The following MFNG variants were observed in gnomAD, a reference collection of about 807,000 sequenced individuals.
The protein encoded by MFNG is beta-1,3-N-acetylglucosaminyltransferase manic fringe.
Under a neutral mutation model 34.2 loss-of-function variants are expected in MFNG, and 24 were observed. The observed-to-expected ratio is 0.70, with a 90% confidence interval of 0.51 to 0.99. The LOEUF is 0.99. MFNG is among the 50% of genes least tolerant of loss of function. The probability of loss-of-function intolerance (pLI) is 0.00; values close to 1 mark genes in which losing one functional copy is unlikely to be tolerated. For synonymous variants in MFNG, 158 were observed against 179.2 expected (o/e 0.88, Z 0.94); for missense variants, 383 against 424.0 (o/e 0.90, Z 0.85).
At chr22:37,474,406 T>A in intron 6 of MFNG, 106 bp downstream of exon 6, 1 of 1,329,354 alleles carries the variant, frequency 7.5e-7, no homozygotes, top group Non-Finnish European at 1.0e-6. Context: ...AGACCCATAA[T>A]CTGGAGTTCC....
Position 37,485,323 on chromosome 22 carries a change from G to A in MFNG, c.255+600C>T, listed in dbSNP as rs1922494163. On this transcript the variant is annotated intron_variant, in intron 1 of 7. Transcript: ENST00000356998. The surrounding 1 kb of genome is among the most constrained non-coding windows in gnomAD (Gnocchi z 5.3). ...AGCAGTCCGCAGGAAGCCAACACAG[G>A]AGGCCAGACATGGCGGCCTCGGCAC... 6.6e-6 allele frequency among the ~76,000 whole-genome samples: 1 copy of A among 152,164 alleles called. No individual in the cohort carries two copies. Among genetic ancestry groups the A allele is most frequent in the Non-Finnish European group, 1.5e-5 (1 of 68,034 alleles).
Position 37,486,089 on chromosome 22 carries a change from AGGTTCAAGT to A in MFNG, c.80_88del (p.His27_Asn29del). The A allele has an allele frequency of 1.2e-6, 2 of 1,613,558 alleles. No homozygotes were observed. The highest frequency in any genetic ancestry group is 1.7e-6 in the Non-Finnish European group (2 of 1,179,794). ...GGTCCCTTGTACCCGCTGCGGGGAC[AGGTTCAAGT>A]GGTACCGCAGACACAGGAGCCCCAT... On this transcript the variant is annotated inframe_deletion, in exon 1 of 8. Coordinates refer to ENST00000356998, the MANE Select transcript of MFNG (RefSeq NM_002405.4).
intron 7 of MFNG, among the ~76,000 whole-genome samples, chr22:37,470,399 G>A (rs1921754927): frequency 6.6e-6 from 1 of 152,192 alleles, no homozygotes; most frequent in Non-Finnish European, 1.5e-5. Context: ...CCAATCATCT[G>A]ATCACATGCA....
At chr22:37,477,142 T>C (rs1010471240) in intron 4 of MFNG, among the ~76,000 whole-genome samples, 161 bp from the exon 5 acceptor site, 1 of 152,232 alleles carries the variant, frequency 6.6e-6, no homozygotes, top group African/African-American at 2.4e-5. Flanking sequence ...GCACCCATTC[T>C]ATAGATAAGA....
chr22:37,476,113 T>A (rs994717194), intron 5 of MFNG, among the ~76,000 whole-genome samples: 1 of 152,068 alleles, frequency 6.6e-6, no homozygotes, highest in African/African-American at 2.4e-5. Context: ...GGTGTTGTGA[T>A]CCTCTTGATG....
chr22:37,478,399 T>C (rs915912923), intron 4 of MFNG, among the ~76,000 whole-genome samples: 1 of 152,210 alleles, frequency 6.6e-6, no homozygotes, highest in Admixed American at 6.5e-5. Flanking sequence ...GACATACTTA[T>C]ACTAAAAATT....
At chr22:37,478,162 A>G (rs918366487) in intron 4 of MFNG, among the ~76,000 whole-genome samples, 4 of 152,174 alleles carry the variant, frequency 2.6e-5, no homozygotes, top group Non-Finnish European at 5.9e-5. Context: ...CTGATAATTA[A>G]GGCTCTGTGT....
At position 37,474,606 on chromosome 22, in the gene MFNG, T is replaced by C; in HGVS notation, c.719A>G (p.Glu240Gly). The C allele has an allele frequency of 6.2e-7, 1 of 1,614,016 alleles. No individual in the cohort carries two copies. Residue 240 changes from glutamate to glycine, a missense_variant, in exon 6 of 8, where the codon GAG becomes GGG. Physicochemically the swap from Glu to Gly is moderately conservative, Grantham distance 98. Transcript: ENST00000356998. Reference sequence around the variant, plus strand: ...CTGCAGGCGGCCGCCCAGCTTGCACTCAATGATATAGCCCATGGTGCAGTC... The same window carrying C: ...CTGCAGGCGGCCGCCCAGCTTGCACCCAATGATATAGCCCATGGTGCAGTC... ...PDDCTMGYII[E>G]CKLGGRLQPS...
Position 37,485,587 on chromosome 22 carries a change from G to A in MFNG, c.255+336C>T, listed in dbSNP as rs986799617. On this transcript the variant is annotated intron_variant, in intron 1 of 7. Transcript: ENST00000356998. The surrounding 1 kb of genome is among the most constrained non-coding windows in gnomAD (Gnocchi z 5.3). Reference sequence around the variant, plus strand: ...TACCCCTGATGCCAGGCTGGGCCTGGGTGGCTAGGAGCGAAGCCCCCACGG... The same window carrying A: ...TACCCCTGATGCCAGGCTGGGCCTGAGTGGCTAGGAGCGAAGCCCCCACGG... Among the ~76,000 whole-genome samples, 4 of 152,168 alleles carry A rather than the reference G, an allele frequency of 2.6e-5. No homozygotes were observed. The highest frequency in any genetic ancestry group is 9.7e-5 in the African/African-American group (4 of 41,438).
intron 7 of MFNG, among the ~76,000 whole-genome samples, chr22:37,471,211 C>T (rs1601792593): frequency 6.6e-6 from 1 of 152,346 alleles, no homozygotes; most frequent in South Asian, 2.1e-4. Context: ...TACTCGTTAC[C>T]TCCCTGAGTC....
intron 1 of MFNG, chr22:37,484,379 G>GGC: frequency 1.3e-5 from 2 of 152,550 alleles, no homozygotes; most frequent in East Asian, 1.9e-4. Flanking sequence ...AGGTCACAGA[G>GGC]AGAAGTGAGC....
rs1480145101 is a variant in MFNG at position 37,480,189 on chromosome 22, A to G, written c.407+8T>C. ...CACACTTATCCCCAGAGACCCAGGA[A>G]CACTCGCCTAAGCCCACTGGCCAAG... On this transcript the variant is annotated splice_region_variant and intron_variant, in intron 3 of 7. Transcript: ENST00000356998. The G allele has an allele frequency of 6.3e-7, 1 of 1,598,448 alleles. No homozygotes were observed. The highest frequency in any genetic ancestry group is 8.6e-7 in the Non-Finnish European group (1 of 1,167,314).
At position 37,486,248 on chromosome 22, in the gene MFNG, G is replaced by C; in HGVS notation, c.-71C>G. ...CAGACAGGGAGGGGAAGCTGGTCAG[G>C]CAGGGGCTCCAGCAGAGGCAAAAGT... On this transcript the variant is annotated 5_prime_UTR_variant, in exon 1 of 8. Transcript: ENST00000356998. The C allele has an allele frequency of 7.0e-7, 1 of 1,432,640 alleles. No homozygotes were observed. Among genetic ancestry groups the C allele is most frequent in the South Asian group, 1.4e-5 (1 of 69,098 alleles). 88.7% of individuals were successfully genotyped at this position (1,432,640 alleles called of 1,614,324 possible).
intron 5 of MFNG, 141 bp from the exon 6 acceptor site, chr22:37,474,818 G>T: frequency 1.1e-6 from 1 of 884,002 alleles, no homozygotes; most frequent in Non-Finnish European, 1.7e-6. Flanking sequence ...CCTTGAGCAA[G>T]TCAGGAACCT....
chr22:37,474,536 C>G lies in MFNG; in HGVS notation c.789G>C (p.Leu263=), dbSNP rs778219875. ...FHSHLETLQL[L]RTAQLPEQVT... Reference sequence around the variant, plus strand: ...CCTGTTCTGGGAGCTGTGCAGTCCTCAGCAGCTGCAGGGTCTCCAGGTGGG... The same window carrying G: ...CCTGTTCTGGGAGCTGTGCAGTCCTGAGCAGCTGCAGGGTCTCCAGGTGGG... The change falls in exon 6 of 8, where the codon CTG becomes CTC. Residue 263 remains leucine (L), a synonymous_variant. Transcript: ENST00000356998. The G allele has an allele frequency of 3.7e-5, 60 of 1,613,946 alleles. No individual in the cohort carries two copies. Among genetic ancestry groups the G allele is most frequent in the Non-Finnish European group, 4.8e-5 (57 of 1,179,966 alleles).
chr22:37,476,854 C>A (rs368994541), intron 5 of MFNG, 42 bp downstream of exon 5: 10 of 1,502,804 alleles, frequency 6.7e-6, no homozygotes, highest in African/African-American at 1.4e-5. Flanking sequence ...CCAGCTGCCA[C>A]CCCCTCCCCG....
chr22:37,475,426 G>A (rs1192916740), intron 5 of MFNG, among the ~76,000 whole-genome samples: 3 of 152,090 alleles, frequency 2.0e-5, no homozygotes, highest in African/African-American at 4.8e-5. Flanking sequence ...GTTTCACCAC[G>A]TTGGCCAGGC....
At position 37,483,372 on chromosome 22, in the gene MFNG, A is replaced by G. The variant is rs1450267982; in HGVS notation, c.255+2551T>C. Among the ~76,000 whole-genome samples the G allele has an allele frequency of 1.3e-5, 2 of 151,938 alleles. No individual in the cohort carries two copies. The highest frequency in any genetic ancestry group is 4.8e-5 in the African/African-American group (2 of 41,332). On this transcript the variant is annotated intron_variant, in intron 1 of 7. Coordinates refer to ENST00000356998, the MANE Select transcript of MFNG (RefSeq NM_002405.4). This position sits in a 1 kb window ranked among gnomAD's most constrained non-coding sequence, Gnocchi z 4.5. Reference sequence around the variant, plus strand: ...TTTCAACACAGCCTCAAGGGATCCTATCAAAGAAACCAGGCCTTTCCTACC... The same window carrying G: ...TTTCAACACAGCCTCAAGGGATCCTGTCAAAGAAACCAGGCCTTTCCTACC...
In MFNG at chr22:37,469,911, G is replaced by T; in HGVS notation, c.*52C>A. ...AGGGACCCACAGTGCCACCTTGGGAGCCAAGGCACACCCAGAAGTCTCTGC... is the reference window on the plus strand; with the variant it reads ...AGGGACCCACAGTGCCACCTTGGGATCCAAGGCACACCCAGAAGTCTCTGC... On this transcript the variant is annotated 3_prime_UTR_variant, in exon 8 of 8. Coordinates refer to ENST00000356998, the MANE Select transcript of MFNG (RefSeq NM_002405.4). 6.9e-7 allele frequency: 1 copy of T among 1,443,328 alleles called. No homozygotes were observed. The highest frequency in any genetic ancestry group is 9.6e-7 in the Non-Finnish European group (1 of 1,043,028). 89.4% of individuals were successfully genotyped at this position (1,443,328 alleles called of 1,614,324 possible).
Sources: allele counts gnomAD v4.1 joint callset (sites outside exome capture counted in the v4.1 genomes callset), GRCh38; gene constraint gnomAD v4.1.1; non-coding constraint Gnocchi (gnomAD v3.1); transcripts MANE v1.5; gene names NCBI Gene and HGNC (gene_info 2026-07-23, HGNC 2026-07-21).